Variants in LDLRAD4 observed in about 807,000 individuals in gnomAD.
The protein encoded by LDLRAD4 is low-density lipoprotein receptor class A domain-containing protein 4.
Under a neutral mutation model 17.0 loss-of-function variants are expected in LDLRAD4, and 5 were observed. The observed-to-expected ratio is 0.29, with a 90% CI of 0.15 to 0.62. The LOEUF (loss-of-function observed/expected upper bound fraction) is 0.62, where lower values mean the gene tolerates loss of function less well. LDLRAD4 is among the 20% of genes least tolerant of loss of function. LDLRAD4 has a pLI of 0.84. For missense variants in LDLRAD4, 340 were observed against 424.7 expected (o/e 0.80, Z 1.75); for synonymous variants, 168 against 171.8 (o/e 0.98, Z 0.17).
chr18:13,621,164 G>GTGA lies in LDLRAD4; in HGVS notation c.232_234dup (p.Met78dup). 6.2e-7 allele frequency: 1 copy of GTGA among 1,614,136 alleles called. No individual in the cohort carries two copies. Among genetic ancestry groups the GTGA allele is most frequent in the Non-Finnish European group, 8.5e-7 (1 of 1,179,962 alleles). ...CATCATCATCGTCGTGGTGGTCACG[G>GTGA]TGATGGTGGTGGTCATCGTCTGCCT... On this transcript the variant is annotated inframe_insertion, in exon 4 of 6. Coordinates refer to ENST00000359446, the Ensembl canonical transcript of LDLRAD4. This position sits in a 1 kb window ranked among gnomAD's most constrained non-coding sequence, Gnocchi z 5.5.
At chr18:13,636,714 G>T (rs539760760) in intron 4 of LDLRAD4, among the ~76,000 whole-genome samples, 4 of 151,972 alleles carry the variant, frequency 2.6e-5, no homozygotes, top group African/African-American at 9.7e-5. Flanking sequence ...TGGCCAGGCT[G>T]GTCTTGAACT....
chr18:13,229,147 T>C (rs1177823724), intron 1 of LDLRAD4, among the ~76,000 whole-genome samples: 1 of 152,242 alleles, frequency 6.6e-6, no homozygotes, highest in Non-Finnish European at 1.5e-5. Context: ...CGCCAGCCTG[T>C]GTGTCAGCTG....
intron 2 of LDLRAD4, among the ~76,000 whole-genome samples, chr18:13,429,881 T>C (rs2146010282): frequency 6.6e-6 from 1 of 152,308 alleles, no homozygotes; most frequent in South Asian, 2.1e-4. Context: ...GGCACCTCAC[T>C]TTATCATAGG....
intron 1 of LDLRAD4, among the ~76,000 whole-genome samples, chr18:13,364,538 C>G (rs1027364636): frequency 6.6e-6 from 1 of 152,110 alleles, no homozygotes; most frequent in Non-Finnish European, 1.5e-5. Flanking sequence ...GACAGGATCT[C>G]ACTGTGTTGT....
intron 1 of LDLRAD4, among the ~76,000 whole-genome samples, chr18:13,361,187 C>T (rs1480991326): frequency 2.6e-5 from 4 of 152,266 alleles, no homozygotes; most frequent in African/African-American, 9.6e-5. Context: ...ACGCCATTCT[C>T]CCACCTCAGC....
intron 3 of LDLRAD4, among the ~76,000 whole-genome samples, chr18:13,546,728 C>T (rs1173933371): frequency 6.6e-6 from 1 of 152,150 alleles, no homozygotes; most frequent in Non-Finnish European, 1.5e-5. Flanking sequence ...TGCTGTCGGG[C>T]ACGTGGTTCC....
At chr18:13,271,518 C>T (rs556985250) in intron 1 of LDLRAD4, among the ~76,000 whole-genome samples, 7 of 152,270 alleles carry the variant, frequency 4.6e-5, no homozygotes, top group South Asian at 4.1e-4. Flanking sequence ...CCAAAGAGTC[C>T]GGGTCGAAGG....
intron 1 of LDLRAD4, among the ~76,000 whole-genome samples, chr18:13,262,622 A>G (rs531518497): frequency 0.041 from 1,130 of 27,684 alleles, 1 homozygote; most frequent in African/African-American, 0.1. Flanking sequence ...GTGCGTGGAA[A>G]CTGAGTCCCG....
At position 13,527,853 on chromosome 18, in the gene LDLRAD4, G is replaced by C. The variant is rs374935626; in HGVS notation, c.181+89469G>C. 4.6e-5 allele frequency among the ~76,000 whole-genome samples: 7 copies of C among 152,260 alleles called. No homozygotes were observed. In the East Asian group the frequency reaches 1.2e-3, roughly 25 times the overall value. On this transcript the variant is annotated intron_variant, in intron 3 of 5. Coordinates refer to ENST00000359446, the Ensembl canonical transcript of LDLRAD4. ...AGGCAGCCCATCAGGTCTGGGGCTG[G>C]AGACCCCGGGCTGCCACTCCTGCAG...
chr18:13,273,474 C>CT (rs796187063), upstream of LDLRAD4, among the ~76,000 whole-genome samples: 66 of 152,244 alleles, frequency 4.3e-4, no homozygotes, highest in African/African-American at 1.5e-3. Flanking sequence ...CTAATATTTT[C>CT]TTTTTTATAG....
chr18:13,473,636 CATATATATAT>C (rs71366054), intron 3 of LDLRAD4, among the ~76,000 whole-genome samples: 1,006 of 28,748 alleles, frequency 0.035, 12 homozygotes, highest in Middle Eastern at 0.065. Context: ...GATCCCATCT[CATATATATAT>C]ATATATATAT....
At chr18:13,338,181 C>T (rs1416419161) in intron 1 of LDLRAD4, among the ~76,000 whole-genome samples, 1 of 152,204 alleles carries the variant, frequency 6.6e-6, no homozygotes, top group African/African-American at 2.4e-5. Context: ...CTCACAACTT[C>T]TCTGAATGCA....
intron 3 of LDLRAD4, among the ~76,000 whole-genome samples, chr18:13,594,104 G>C (rs540673929): frequency 1.3e-5 from 2 of 152,262 alleles, no homozygotes; most frequent in East Asian, 3.9e-4. Flanking sequence ...TTGGGGTCCC[G>C]GAGAGCTCAG....
chr18:13,536,093 C>T (rs535487657), intron 3 of LDLRAD4, among the ~76,000 whole-genome samples: 1 of 152,124 alleles, frequency 6.6e-6, no homozygotes, highest in Non-Finnish European at 1.5e-5. Context: ...GTTCTCCAAC[C>T]TTATCCCTTT....
At chr18:13,651,333 T>C (rs910085507) in exon 6 of LDLRAD4, 2 of 152,184 alleles carry the variant, frequency 1.3e-5, no homozygotes, top group Non-Finnish European at 2.9e-5. Context: ...ACAGTAGAGA[T>C]TGTAGGGAAA....
intron 3 of LDLRAD4, chr18:13,543,598 C>T (rs1048150251): frequency 6.6e-5 from 10 of 152,238 alleles, no homozygotes. Context: ...ATTAACATCT[C>T]ATCTATTAAA....
At position 13,620,140 on chromosome 18, in the gene LDLRAD4, C is replaced by T. The variant is rs1324105298; in HGVS notation, c.182-977C>T. Reference sequence around the variant, plus strand: ...GGCACCACCTGATCTCTGCCTGCATCGCCCCACGTATGAGCGGATACACTT... The same window carrying T: ...GGCACCACCTGATCTCTGCCTGCATTGCCCCACGTATGAGCGGATACACTT... On this transcript the variant is annotated intron_variant, in intron 3 of 5. Coordinates refer to ENST00000359446, the Ensembl canonical transcript of LDLRAD4. Among the ~76,000 whole-genome samples, 7 of 152,286 alleles carry T rather than the reference C, an allele frequency of 4.6e-5. No homozygotes were observed. In the East Asian group the frequency reaches 7.7e-4, roughly 17 times the overall value.
At chr18:13,310,399 C>A (rs1337477723) in intron 1 of LDLRAD4, among the ~76,000 whole-genome samples, 1 of 151,392 alleles carries the variant, frequency 6.6e-6, no homozygotes, top group African/African-American at 2.4e-5. Flanking sequence ...CAAGGACATG[C>A]AGTTGGATAG....
At chr18:13,482,300 C>T (rs2093110322) in intron 3 of LDLRAD4, among the ~76,000 whole-genome samples, 1 of 152,178 alleles carries the variant, frequency 6.6e-6, no homozygotes, top group African/African-American at 2.4e-5. Context: ...CACACTTCCT[C>T]TGCCAGGGAC....
Sources: allele counts gnomAD v4.1 joint callset (sites outside exome capture counted in the v4.1 genomes callset), GRCh38; gene constraint gnomAD v4.1.1; non-coding constraint Gnocchi (gnomAD v3.1); transcripts MANE v1.5; gene names NCBI Gene and HGNC (gene_info 2026-07-23, HGNC 2026-07-21).